The following CDC42BPG variants were observed in gnomAD, a reference collection of about 807,000 sequenced individuals.
CDC42BPG encodes the protein serine/threonine-protein kinase MRCK gamma.
A neutral mutation model predicts 192.2 loss-of-function variants in CDC42BPG; 157 were observed. The ratio of observed to expected loss-of-function variants is 0.82; its 90% CI spans 0.72 to 0.93. CDC42BPG has a LOEUF of 0.93. Ranked by LOEUF, CDC42BPG falls within the 40% of genes least tolerant of loss-of-function variation. The probability of loss-of-function intolerance (pLI) is 0.00; values close to 1 mark genes in which losing one functional copy is unlikely to be tolerated. For missense variants in CDC42BPG, 1,992 were observed against 2,122.1 expected (o/e 0.94, Z 1.20); for synonymous variants, 981 against 918.5 (o/e 1.07, Z -1.23).
chr11:64,840,218 G>T lies in CDC42BPG; in HGVS notation c.483C>A (p.Ser161Arg). 6.2e-7 allele frequency: 1 copy of T among 1,613,048 alleles called. No individual in the cohort carries two copies. Residue 161 changes from serine to arginine, a missense_variant, in exon 5 of 37, where the codon AGC becomes AGA. Physicochemically the swap from Ser to Arg is moderately radical, Grantham distance 110. This residue lies in a region of CDC42BPG where 1,656 missense variants were observed against 1,844.3 expected (regional missense o/e 0.90). Transcript: ENST00000342711. The part of the protein sequence containing the change: ...YAGGDLLTLL[S>R]RFEDRLPPEL... The stretch of plus-strand genomic sequence containing the variant: ...CGGGCGGGAGACGGTCCTCGAAGCG[G>T]CTCAGCAGCGTCAGGAGGTCCCCAC...
rs142949080 is a variant in CDC42BPG at position 64,836,288 on chromosome 11, G to A, written c.1497C>T (p.Ala499=). 914 of 1,606,000 alleles carry A rather than the reference G, an allele frequency of 5.7e-4. 4 individuals carry two copies. In the African/African-American group the frequency reaches 0.011, roughly 19 times the overall value. The change falls in exon 13 of 37, where the codon GCC becomes GCT. Residue 499 remains alanine (A), a synonymous_variant. Coordinates refer to ENST00000342711, the MANE Select transcript of CDC42BPG (RefSeq NM_017525.3). ...GAGCCTGCAGCCCTGCCCGACCCTCGGCCAGCTCCTGAGGAGGCAGGGGAG... is the reference window on the plus strand; with the variant it reads ...GAGCCTGCAGCCCTGCCCGACCCTCAGCCAGCTCCTGAGGAGGCAGGGGAG... ...QELDRLHREL[A]EGRAGLQAQE... is the part of the protein sequence containing the mutation.
intron 28 of CDC42BPG, 77 bp downstream of exon 28, chr11:64,831,428 G>C: frequency 7.5e-7 from 1 of 1,326,234 alleles, no homozygotes; most frequent in Non-Finnish European, 1.1e-6. Flanking sequence ...CAGTAGCAGT[G>C]GCCCTTGGGA....
At position 64,832,626 on chromosome 11, in the gene CDC42BPG, G is replaced by T; in HGVS notation, c.2983C>A (p.Leu995Ile). Reference protein sequence around the residue: ...DLRLSPPSGALLQVLDLRDPQ... With the variant: ...DLRLSPPSGAILQVLDLRDPQ... ...TACCTCAGATCTAGGACCTGCAGGA[G>T]GGCCCCACTGGGCGGGCTGAGCCTC... Residue 995 changes from leucine (L) to isoleucine (I), a missense_variant, in exon 26 of 37, where the codon CTC (leucine) becomes ATC (isoleucine). This residue lies in a region of CDC42BPG where 1,656 missense variants were observed against 1,844.3 expected (regional missense o/e 0.90). Coordinates refer to ENST00000342711, the MANE Select transcript of CDC42BPG (RefSeq NM_017525.3). 6.2e-7 allele frequency: 1 copy of T among 1,613,866 alleles called. No individual in the cohort carries two copies. Among genetic ancestry groups the T allele is most frequent in the Non-Finnish European group, 8.5e-7 (1 of 1,180,012 alleles).
rs1229204363 is a variant in CDC42BPG at position 64,844,454 on chromosome 11, C to A, written c.116G>T (p.Gly39Val). Residue 39 changes from glycine (G) to valine (V), a missense_variant, in exon 1 of 37, where the codon GGC becomes GTC. This residue lies in a region of CDC42BPG where 1,656 missense variants were observed against 1,844.3 expected (regional missense o/e 0.90). Coordinates refer to ENST00000342711, the MANE Select transcript of CDC42BPG (RefSeq NM_017525.3). Reference protein sequence around the residue: ...LLALHHELSSGPLRRERSVAQ... With the variant: ...LLALHHELSSVPLRRERSVAQ... ...CACGCTGCGCTCCCGCCGTAGGGGGCCGCTGCTGAGCTCGTGGTGCAGCGC... is the reference window on the plus strand; with the variant it reads ...CACGCTGCGCTCCCGCCGTAGGGGGACGCTGCTGAGCTCGTGGTGCAGCGC... 2.0e-6 allele frequency: 3 copies of A among 1,472,666 alleles called. No individual in the cohort carries two copies. The highest frequency in any genetic ancestry group is 1.3e-5 in the South Asian group (1 of 76,512). 91.2% of individuals were successfully genotyped at this position (1,472,666 alleles called of 1,614,324 possible).
intron 4 of CDC42BPG, 30 bp downstream of exon 4, chr11:64,840,520 ATGT>A: frequency 6.2e-7 from 1 of 1,602,016 alleles, no homozygotes; most frequent in South Asian, 1.1e-5. Context: ...TGTCCCTAGG[ATGT>A]TCCCCTCCAG....
At position 64,833,806 on chromosome 11, in the gene CDC42BPG, C is replaced by G; in HGVS notation, c.2497G>C (p.Gly833Arg). The change falls in exon 22 of 37, where the codon GGA becomes CGA. Residue 833 changes from glycine to arginine, a missense_variant. By Grantham distance (125) the Gly-to-Arg change is moderately radical. Transcript: ENST00000342711. The part of the protein sequence containing the change: ...KDSAKDPGIS[G>R]EATRHGGEPD... ...TCTCCTCCATGCCTTGTGGCCTCTC[C>G]TGAGATGCCAGGGTCCTTGGCAGAA... The G allele has an allele frequency of 1.9e-6, 3 of 1,614,254 alleles. No individual in the cohort carries two copies. The highest frequency in any genetic ancestry group is 2.5e-6 in the Non-Finnish European group (3 of 1,180,042).
rs1157088618 is a variant in CDC42BPG at position 64,831,013 on chromosome 11, T to C, written c.3304+492A>G. On this transcript the variant is annotated intron_variant, in intron 28 of 36. Transcript: ENST00000342711. ...TGGGTGGATCACCTGAGGTCAGGAG[T>C]TCGAGACCAGCCTGGCCAACATGCT... Among the ~76,000 whole-genome samples the C allele has an allele frequency of 4.6e-5, 7 of 152,044 alleles. No individual in the cohort carries two copies. The East Asian group carries it at 1.4e-3, about 29-fold the overall frequency.
intron 12 of CDC42BPG, 52 bp downstream of exon 12, chr11:64,836,375 C>CACCCACCTCA: frequency 1.2e-6 from 2 of 1,603,090 alleles, no homozygotes; most frequent in Non-Finnish European, 1.7e-6. Context: ...CAGGGCCACT[C>CACCCACCTCA]ACCCACCTCA....
At position 64,838,099 on chromosome 11, in the gene CDC42BPG, T is replaced by A. The variant is rs747781182; in HGVS notation, c.1189A>T (p.Thr397Ser). Residue 397 changes from threonine to serine, a missense_variant, in exon 9 of 37, where the codon ACC (threonine) becomes TCC (serine). Thr to Ser is a moderately conservative substitution (Grantham distance 58). This residue lies in a region of CDC42BPG where 1,656 missense variants were observed against 1,844.3 expected (regional missense o/e 0.90). Coordinates refer to ENST00000342711, the MANE Select transcript of CDC42BPG (RefSeq NM_017525.3). The stretch of plus-strand genomic sequence containing the variant: ...TAGCCTCACCTGCCTGAGGTGTAGG[T>A]GAAGCCCACGAATGGCAGGTGATGG... Reference protein sequence around the residue: ...SGHHLPFVGFTYTSGSHSPES... With the variant: ...SGHHLPFVGFSYTSGSHSPES... The A allele has an allele frequency of 6.4e-7, 1 of 1,551,452 alleles. No individual in the cohort carries two copies. Among genetic ancestry groups the A allele is most frequent in the Non-Finnish European group, 8.7e-7 (1 of 1,147,850 alleles).
Position 64,832,505 on chromosome 11 carries a change from G to C in CDC42BPG, c.3010C>G (p.Pro1004Ala). ...AGGACAGGGGTAGCCGAGAACTGGG[G>C]GTCCCTGGGAGGTTCACAGAACAGG... ...ALLQVLDLRDPQFSATPVLAS... is the reference protein window; with the variant it reads ...ALLQVLDLRDAQFSATPVLAS... Residue 1004 changes from proline to alanine, a missense_variant, in exon 27 of 37, where the codon CCC becomes GCC. Physicochemically the swap from Pro to Ala is conservative, Grantham distance 27. Transcript: ENST00000342711. 1 of 1,614,040 alleles carries C rather than the reference G, an allele frequency of 6.2e-7. No homozygotes were observed. Among genetic ancestry groups the C allele is most frequent in the Non-Finnish European group, 8.5e-7 (1 of 1,179,964 alleles).
In CDC42BPG at chr11:64,838,764, C is replaced by T. The variant is rs2136370976; in HGVS notation, c.1015G>A (p.Gly339Ser). ...DDFRNHPFFE[G>S]VDWERLASST... Reference sequence around the variant, plus strand: ...CTCGCCAGCCGCTCCCAGTCCACGCCTTCGAAGAAAGGATGGTTCCGGAAG... The same window carrying T: ...CTCGCCAGCCGCTCCCAGTCCACGCTTTCGAAGAAAGGATGGTTCCGGAAG... The change falls in exon 8 of 37, where the codon GGC becomes AGC. Residue 339 changes from glycine to serine, a missense_variant. Transcript: ENST00000342711. 2 of 1,613,048 alleles carry T rather than the reference C, an allele frequency of 1.2e-6. No homozygotes were observed. Among genetic ancestry groups the T allele is most frequent in the African/African-American group, 1.3e-5 (1 of 75,066 alleles).
In CDC42BPG at chr11:64,826,713, C is replaced by T. The variant is rs2957159; in HGVS notation, c.4471G>A (p.Ala1491Thr). 1.3e-6 allele frequency: 2 copies of T among 1,554,440 alleles called. No individual in the cohort carries two copies. Among genetic ancestry groups the T allele is most frequent in the Admixed American group, 2.0e-5 (1 of 50,442 alleles). ...HSFSEALRRP[A>T]SMGSEGLGGD... ...CCGAGGCCTTCGCTGCCCATGGAGG[C>T]TGGGCGCCGCAACGCCTCGGAGAAG... is the stretch of plus-strand genomic sequence containing the variant. Residue 1491 changes from alanine (A) to threonine (T), a missense_variant, in exon 35 of 37, where the codon GCC becomes ACC. Ala to Thr is a moderately conservative substitution (Grantham distance 58, BLOSUM62 0). Around this residue, in one of 2 missense-constraint regions of CDC42BPG, gnomAD observed 336 missense variants for 277.9 expected, o/e 1.21. Transcript: ENST00000342711.
In CDC42BPG at chr11:64,832,512, G is replaced by A. The variant is rs755049761; in HGVS notation, c.3006-3C>T. 3.1e-6 allele frequency: 5 copies of A among 1,614,016 alleles called. No homozygotes were observed. In the South Asian group the frequency reaches 5.5e-5, roughly 18 times the overall value. On this transcript the variant is annotated splice_polypyrimidine_tract_variant and splice_region_variant and intron_variant, in intron 26 of 36. Transcript: ENST00000342711. ...GGGTAGCCGAGAACTGGGGGTCCCT[G>A]GGAGGTTCACAGAACAGGTCAGAAA...
chr11:64,841,659 C>T lies in CDC42BPG; in HGVS notation c.327G>A (p.Lys109=). 6.2e-7 allele frequency: 1 copy of T among 1,613,504 alleles called. No individual in the cohort carries two copies. Among genetic ancestry groups the T allele is most frequent in the Non-Finnish European group, 8.5e-7 (1 of 1,179,880 alleles). Residue 109 remains lysine (K), a synonymous_variant, in exon 3 of 37, where the codon AAG becomes AAA. Transcript: ENST00000342711. ...CAGACTCCACACTGACCTCAGCCCT[C>T]TTCAGCATCTCCCACTTGTGCAGCA... ...MKMLHKWEML[K]RAETACFREE... is the part of the protein sequence containing the mutation.
Position 64,826,789 on chromosome 11 carries a change from G to A in CDC42BPG, c.4395C>T (p.Pro1465=), listed in dbSNP as rs765276102. The A allele has an allele frequency of 2.4e-5, 36 of 1,500,604 alleles. No individual in the cohort carries two copies. The highest frequency in any genetic ancestry group is 2.4e-4 in the East Asian group (10 of 42,014). The allele number at this position is 1,500,604 out of a possible 1,614,324, so 93.0% of individuals were successfully genotyped here. A position where few individuals can be genotyped will look rare whatever the true frequency, so the allele number is the denominator to read the frequency against. The change falls in exon 35 of 37, where the codon CCC becomes CCT. Residue 1465 remains proline (P), a synonymous_variant. Coordinates refer to ENST00000342711, the MANE Select transcript of CDC42BPG (RefSeq NM_017525.3). ...CGCGGGCAACTCGGCCCTTCTCTTC[G>A]GGAGCCTGTTGGGTGACAGTGCGGA... The part of the protein sequence containing the change: ...RPGARDKSPA[P]EEKGRVARGS...
Position 64,829,667 on chromosome 11 carries a change from C to A in CDC42BPG, c.3771G>T (p.Pro1257=), listed in dbSNP as rs55669367. ...ALYPLLNEAA[P]LALGAGLVPE... ...GCACCAAACCGGCCCCCAGCGCCAA[C>A]GGCGCAGCCTCGTTGAGCAGCGGGT... The change falls in exon 30 of 37, where the codon CCG becomes CCT. Residue 1257 remains proline (P), a synonymous_variant. Transcript: ENST00000342711. 2 of 1,611,534 alleles carry A rather than the reference C, an allele frequency of 1.2e-6. No homozygotes were observed. The highest frequency in any genetic ancestry group is 1.7e-6 in the Non-Finnish European group (2 of 1,179,420).
At chr11:64,828,278 CTCAT>C (rs10565049) in intron 30 of CDC42BPG, among the ~76,000 whole-genome samples, 151,508 of 151,874 alleles carry the variant, frequency 1, 75,573 homozygotes, top group Middle Eastern at 1. Context: ...GCCCCACTGC[CTCAT>C]TCATTCATTC....
chr11:64,840,625 C>T lies in CDC42BPG; in HGVS notation c.360G>A (p.Arg120=), dbSNP rs557591954. The change falls in exon 4 of 37, where the codon CGG becomes CGA. Residue 120 remains arginine, a synonymous_variant. Coordinates refer to ENST00000342711, the MANE Select transcript of CDC42BPG (RefSeq NM_017525.3). ...RAETACFREE[R]DVLVKGDSRW... ...GGCTGTCCCCTTTCACGAGCACATC[C>T]CGCTCCTCCCGGAAACAGGCTGTCT... The T allele has an allele frequency of 5.4e-4, 871 of 1,613,890 alleles. 14 individuals carry two copies. The South Asian group carries it at 9.2e-3, about 17-fold the overall frequency.
intron 23 of CDC42BPG, 73 bp downstream of exon 23, chr11:64,833,527 G>A: frequency 2.2e-6 from 3 of 1,386,916 alleles, no homozygotes; most frequent in Non-Finnish European, 3.0e-6. Flanking sequence ...CACGTGGAGT[G>A]TCCCCACAGT....
Sources: allele counts gnomAD v4.1 joint callset (sites outside exome capture counted in the v4.1 genomes callset), GRCh38; gene constraint gnomAD v4.1.1; regional missense constraint gnomAD v4.1.1; transcripts MANE v1.5; gene names NCBI Gene and HGNC (gene_info 2026-07-23, HGNC 2026-07-21).